ZCCHC7: variants seen among roughly 807,000 people sequenced by gnomAD.
The protein encoded by ZCCHC7 is zinc finger CCHC-type containing 7.
In ZCCHC7, 35 loss-of-function variants were observed where a neutral mutation model predicts 52.0. That is an observed-to-expected ratio of 0.67 (90% CI 0.51 to 0.89). The LOEUF (loss-of-function observed/expected upper bound fraction) is 0.89, where lower values mean the gene tolerates loss of function less well. ZCCHC7 is among the 40% of genes least tolerant of loss of function. The probability of loss-of-function intolerance (pLI) is 0.00; values close to 1 mark genes in which losing one functional copy is unlikely to be tolerated. For missense variants in ZCCHC7, 574 were observed against 649.1 expected (o/e 0.88, Z 1.26); for synonymous variants, 217 against 221.5 (o/e 0.98, Z 0.18).
chr9:37,226,408 T>TA (rs1166266694), intron 2 of ZCCHC7, among the ~76,000 whole-genome samples: 4 of 152,030 alleles, frequency 2.6e-5, no homozygotes, highest in East Asian at 1.9e-4. Context: ...CAGCAGGCTT[T>TA]AAAAAAAACT....
chr9:37,356,933 T>G lies in ZCCHC7; in HGVS notation c.1297T>G (p.Ser433Ala). 3.1e-6 allele frequency: 5 copies of G among 1,613,722 alleles called. No individual in the cohort carries two copies. Among genetic ancestry groups the G allele is most frequent in the Non-Finnish European group, 4.2e-6 (5 of 1,179,914 alleles). ...PHHDIRKGRA[S>A]WKSNRWPQEN... The stretch of plus-strand genomic sequence containing the variant: ...CCATGATATAAGGAAGGGCCGTGCC[T>G]CATGGAAAAGCAACAGGTGGCCTCA... Residue 433 changes from serine to alanine, a missense_variant, in exon 9 of 9, where the codon TCA (serine) becomes GCA (alanine). Physicochemically the swap from Ser to Ala is moderately conservative, Grantham distance 99 (BLOSUM62 1). Coordinates refer to ENST00000336755, the MANE Select transcript of ZCCHC7 (RefSeq NM_032226.3).
At chr9:37,316,900 A>G (rs927845517) in intron 5 of ZCCHC7, among the ~76,000 whole-genome samples, 6 of 151,814 alleles carry the variant, frequency 4.0e-5, no homozygotes, top group Admixed American at 3.3e-4. Flanking sequence ...CCAATAGAAA[A>G]AAAATTGCAG....
intron 2 of ZCCHC7, among the ~76,000 whole-genome samples, chr9:37,189,358 G>A (rs1161765492): frequency 2.0e-5 from 3 of 152,038 alleles, no homozygotes; most frequent in Non-Finnish European, 4.4e-5. Flanking sequence ...GAGACCTTTT[G>A]TCTTGGTTTA....
intron 7 of ZCCHC7, among the ~76,000 whole-genome samples, chr9:37,353,694 A>G (rs975345523): frequency 6.6e-6 from 1 of 152,192 alleles, no homozygotes; most frequent in African/African-American, 2.4e-5. Context: ...GTGTGTTTAG[A>G]ATGATTTATA....
chr9:37,198,498 A>G (rs1823405346), intron 2 of ZCCHC7, among the ~76,000 whole-genome samples: 1 of 152,126 alleles, frequency 6.6e-6, no homozygotes, highest in African/African-American at 2.4e-5. Flanking sequence ...CTCTGAGCCT[A>G]CTTTGTGGTC....
At chr9:37,164,446 T>C (rs942958215) in intron 2 of ZCCHC7, among the ~76,000 whole-genome samples, 9 of 16,690 alleles carry the variant, frequency 5.4e-4, no homozygotes, top group African/African-American at 2.2e-3. Context: ...CTGTCTTAGA[T>C]AGATAGATAG....
intron 2 of ZCCHC7, among the ~76,000 whole-genome samples, chr9:37,259,226 T>A (rs1347002322): frequency 6.6e-6 from 1 of 152,182 alleles, no homozygotes; most frequent in Non-Finnish European, 1.5e-5. Context: ...GCTTTTTTCC[T>A]TTGGGAAGAA....
rs139221502 is a variant in ZCCHC7 at position 37,321,813 on chromosome 9, C to G, written c.952-5986C>G. On this transcript the variant is annotated intron_variant, in intron 5 of 8. Transcript: ENST00000336755. ...ATAAAATAAAGTGAAACTAATTTAC[C>G]TTTAGTTTACCTCTTTTGAGTCTAG... Among the ~76,000 whole-genome samples, 531 of 152,066 alleles carry G rather than the reference C, an allele frequency of 3.5e-3. 7 individuals are homozygous for G. The highest frequency in any genetic ancestry group is 0.012 in the African/African-American group (510 of 41,480).
chr9:37,162,853 A>G (rs1347401978), intron 2 of ZCCHC7, among the ~76,000 whole-genome samples: 1 of 152,128 alleles, frequency 6.6e-6, no homozygotes, highest in Non-Finnish European at 1.5e-5. Flanking sequence ...TGGTTGGACC[A>G]CCTGAGGTCA....
chr9:37,229,453 A>G (rs776721610), intron 2 of ZCCHC7, among the ~76,000 whole-genome samples: 9 of 152,192 alleles, frequency 5.9e-5, no homozygotes, highest in Non-Finnish European at 1.3e-4. Context: ...CCTAGGCCAT[A>G]TGATATCCTA....
intron 2 of ZCCHC7, among the ~76,000 whole-genome samples, chr9:37,138,550 T>C (rs910363521): frequency 1.6e-4 from 24 of 152,104 alleles, no homozygotes; most frequent in Non-Finnish European, 3.2e-4. Context: ...AAAAAATACA[T>C]TTCTTCTAGT....
At chr9:37,163,579 TGATGTTGA>T (rs1327905281) in intron 2 of ZCCHC7, among the ~76,000 whole-genome samples, 1 of 152,232 alleles carries the variant, frequency 6.6e-6, no homozygotes, top group Non-Finnish European at 1.5e-5. Context: ...TAAGGACTAA[TGATGTTGA>T]GCATCTTTTC....
intron 1 of ZCCHC7, among the ~76,000 whole-genome samples, chr9:37,121,424 A>G (rs554319410): frequency 7.9e-5 from 12 of 152,296 alleles, no homozygotes; most frequent in South Asian, 4.1e-4. Flanking sequence ...AGAGCGTTCA[A>G]TTTGATGACT....
At chr9:37,140,712 G>T (rs1408765733) in intron 2 of ZCCHC7, among the ~76,000 whole-genome samples, 3 of 151,940 alleles carry the variant, frequency 2.0e-5, no homozygotes, top group Admixed American at 2.0e-4. Flanking sequence ...AACCATGTTG[G>T]TTAGTTAAAC....
chr9:37,355,982 T>C (rs1236140777), intron 8 of ZCCHC7, among the ~76,000 whole-genome samples: 3 of 145,384 alleles, frequency 2.1e-5, no homozygotes, highest in Non-Finnish European at 4.5e-5. Context: ...TTTTCCAGGT[T>C]TTCTATAATG....
chr9:37,130,436 G>A (rs9775431), intron 2 of ZCCHC7, among the ~76,000 whole-genome samples: 60,586 of 137,254 alleles, frequency 0.44, 14,122 homozygotes, highest in African/African-American at 0.63. Context: ...TGGTCCTCCC[G>A]CCTTAGCCTT....
chr9:37,133,758 T>G (rs919994034), intron 2 of ZCCHC7, among the ~76,000 whole-genome samples: 1 of 152,068 alleles, frequency 6.6e-6, no homozygotes, highest in African/African-American at 2.4e-5. Flanking sequence ...CCAGCTAATT[T>G]TTGTATTTTT....
intron 2 of ZCCHC7, among the ~76,000 whole-genome samples, chr9:37,179,346 A>G (rs753962157): frequency 6.6e-6 from 1 of 152,140 alleles, no homozygotes; most frequent in Non-Finnish European, 1.5e-5. Context: ...GTGTGGTGTG[A>G]CAGGTAAATT....
chr9:37,201,323 CAAA>C (rs1361295283), intron 2 of ZCCHC7, among the ~76,000 whole-genome samples: 3 of 152,102 alleles, frequency 2.0e-5, no homozygotes, highest in Admixed American at 1.3e-4. Context: ...GAAAAAGAGA[CAAA>C]AAGTAATATG....
Sources: allele counts gnomAD v4.1 joint callset (sites outside exome capture counted in the v4.1 genomes callset), GRCh38; gene constraint gnomAD v4.1.1; transcripts MANE v1.5; gene names NCBI Gene and HGNC (gene_info 2026-07-23, HGNC 2026-07-21).